Variants in VAT1L observed in about 807,000 individuals in gnomAD.
The protein encoded by VAT1L is vesicle amine transport 1 like.
VAT1L carries 34 observed loss-of-function variants against 44.1 expected under a neutral mutation model. The ratio of observed to expected loss-of-function variants is 0.77; its 90% CI spans 0.59 to 1.03. The LOEUF (loss-of-function observed/expected upper bound fraction) is 1.03. VAT1L is among the 50% of genes least tolerant of loss of function. The pLI is 0.00. For synonymous variants in VAT1L, 253 were observed against 202.2 expected, an observed-to-expected ratio of 1.25 and a Z score of -2.13; for missense variants, 615 against 538.8, an observed-to-expected ratio of 1.14 and a Z score of -1.40.
chr16:77,927,337 CA>C (rs113375025), intron 7 of VAT1L, among the ~76,000 whole-genome samples: 98 of 119,646 alleles, frequency 8.2e-4, no homozygotes, highest in Middle Eastern at 4.5e-3. Context: ...GACTCCATCT[CA>C]AAAAAAAAAA....
chr16:77,853,623 T>A (rs2016827969), intron 3 of VAT1L, among the ~76,000 whole-genome samples: 1 of 152,050 alleles, frequency 6.6e-6, no homozygotes, highest in South Asian at 2.1e-4. Flanking sequence ...AGAGGGCCTG[T>A]TCAAACTCAG....
chr16:77,850,507 G>A (rs2016798396), intron 3 of VAT1L, among the ~76,000 whole-genome samples: 2 of 152,024 alleles, frequency 1.3e-5, no homozygotes, highest in South Asian at 4.2e-4. Flanking sequence ...GACCCTATTT[G>A]CCTAAGACAC....
chr16:77,923,258 G>T (rs1172715028), intron 7 of VAT1L, among the ~76,000 whole-genome samples: 1 of 152,194 alleles, frequency 6.6e-6, no homozygotes, highest in Non-Finnish European at 1.5e-5. Context: ...AGACCATCCT[G>T]GTTAACATGG....
At chr16:77,936,819 A>T (rs1206512280) in intron 7 of VAT1L, among the ~76,000 whole-genome samples, 1 of 152,148 alleles carries the variant, frequency 6.6e-6, no homozygotes, top group African/African-American at 2.4e-5. Context: ...GCAAAATCCC[A>T]CTTGCGAGTG....
intron 7 of VAT1L, among the ~76,000 whole-genome samples, chr16:77,967,151 C>A (rs2018231949): frequency 6.6e-6 from 1 of 152,056 alleles, no homozygotes; most frequent in Non-Finnish European, 1.5e-5. Flanking sequence ...TATATGAGAG[C>A]AGTTTGGGGT....
rs368230977 is a variant in VAT1L, at chr16:77,798,611, A to G, written c.233+9696A>G. Among the ~76,000 whole-genome samples the G allele has an allele frequency of 8.2e-4, 125 of 152,298 alleles. 1 individual carries two copies. Among genetic ancestry groups the G allele is most frequent in the African/African-American group, 2.5e-3 (105 of 41,568 alleles). ...AGGAGGTACAAAGAAATAGGACATTAAAAAGTCCCTCTGTGCTTCATAAAG... is the reference window on the plus strand; with the variant it reads ...AGGAGGTACAAAGAAATAGGACATTGAAAAGTCCCTCTGTGCTTCATAAAG... On this transcript the variant is annotated intron_variant, in intron 1 of 8. Coordinates refer to ENST00000302536, the MANE Select transcript of VAT1L (RefSeq NM_020927.3).
At chr16:77,924,227 T>C (rs1439477763) in intron 7 of VAT1L, among the ~76,000 whole-genome samples, 1 of 152,116 alleles carries the variant, frequency 6.6e-6, no homozygotes, top group Non-Finnish European at 1.5e-5. Context: ...TGCTATTTTC[T>C]AGGGCTTATG....
intron 1 of VAT1L, chr16:77,801,400 C>G (rs548718114): frequency 6.6e-6 from 1 of 152,094 alleles, no homozygotes; most frequent in African/African-American, 2.4e-5. Context: ...AAGAACGTTC[C>G]GCAATAAGAA....
At chr16:77,952,675 G>A (rs2018057411) in intron 7 of VAT1L, among the ~76,000 whole-genome samples, 1 of 151,890 alleles carries the variant, frequency 6.6e-6, no homozygotes, top group Admixed American at 6.6e-5. Context: ...TGGTCACCAT[G>A]GCAAAACCCT....
chr16:77,889,895 C>T (rs1298232482), intron 7 of VAT1L, among the ~76,000 whole-genome samples: 8 of 151,804 alleles, frequency 5.3e-5, no homozygotes, highest in African/African-American at 1.5e-4. Context: ...GAGACCAGCC[C>T]GGCCAACAGG....
intron 7 of VAT1L, among the ~76,000 whole-genome samples, chr16:77,910,908 G>T (rs949704894): frequency 2.6e-5 from 4 of 152,130 alleles, no homozygotes; most frequent in African/African-American, 4.8e-5. Flanking sequence ...AACCCCATAA[G>T]ATGCAATTGC....
At chr16:77,926,244 C>T (rs12930780) in intron 7 of VAT1L, among the ~76,000 whole-genome samples, 12,277 of 133,944 alleles carry the variant, frequency 0.092, 605 homozygotes, top group South Asian at 0.11. Flanking sequence ...CAGAGTGAGA[C>T]TCCGTCTCAA....
intron 1 of VAT1L, chr16:77,801,204 ACC>A (rs5818088): frequency 0.74 from 111,841 of 151,266 alleles, 41,625 homozygotes; most frequent in Admixed American, 0.78. Context: ...TCCCTGTGAT[ACC>A]AAGCATCCTA....
intron 7 of VAT1L, among the ~76,000 whole-genome samples, chr16:77,958,135 T>C (rs1381445118): frequency 6.6e-6 from 1 of 152,130 alleles, no homozygotes; most frequent in Non-Finnish European, 1.5e-5. Context: ...CTCAAACTCC[T>C]GGGCAGAAGT....
intron 3 of VAT1L, 44 bp from the exon 4 acceptor site, chr16:77,862,704 T>A (rs370752636): frequency 1.5e-5 from 24 of 1,592,380 alleles, no homozygotes; most frequent in Non-Finnish European, 2.0e-5. Flanking sequence ...GGCTATGATC[T>A]GGTGGCTCCT....
At chr16:77,964,637 T>A (rs927891550) in intron 7 of VAT1L, among the ~76,000 whole-genome samples, 1 of 152,174 alleles carries the variant, frequency 6.6e-6, no homozygotes, top group African/African-American at 2.4e-5. Flanking sequence ...CCTCAGGTTC[T>A]GGAGATTAGG....
rs141141407 is a variant in VAT1L, at chr16:77,884,753, A to G, written c.1028A>G (p.Asn343Ser). Reference sequence around the variant, plus strand: ...GTGGAAAAACTCATAGGGCTCTACAACCAGAAGAAGATCAAGCCTGTGGTG... The same window carrying G: ...GTGGAAAAACTCATAGGGCTCTACAGCCAGAAGAAGATCAAGCCTGTGGTG... ...GVVEKLIGLY[N>S]QKKIKPVVDS... Residue 343 changes from asparagine (N) to serine (S), a missense_variant, in exon 7 of 9, where the codon AAC becomes AGC. Transcript: ENST00000302536. This position sits in a 1 kb window ranked among gnomAD's most constrained non-coding sequence, Gnocchi z 4.5. 1.3e-6 allele frequency: 2 copies of G among 1,587,968 alleles called. No individual in the cohort carries two copies. The highest frequency in any genetic ancestry group is 2.7e-5 in the African/African-American group (2 of 73,490).
chr16:77,961,486 A>C (rs542765096), intron 7 of VAT1L, among the ~76,000 whole-genome samples: 1 of 152,280 alleles, frequency 6.6e-6, no homozygotes, highest in East Asian at 1.9e-4. Flanking sequence ...GTGGGAGAAG[A>C]AACCATTGTT....
At position 77,882,578 on chromosome 16, in the gene VAT1L, G is replaced by T. The variant is rs773494232; in HGVS notation, c.883-2030G>T. Among the ~76,000 whole-genome samples the T allele has an allele frequency of 7.2e-5, 11 of 152,302 alleles. No individual in the cohort carries two copies. The East Asian group carries it at 2.1e-3, about 29-fold the overall frequency. ...GAACAGTGAGGAAATTGAGCACAGAGAAGTTAAGAGATTTGCCTAAAGTCA... is the reference window on the plus strand; with the variant it reads ...GAACAGTGAGGAAATTGAGCACAGATAAGTTAAGAGATTTGCCTAAAGTCA... On this transcript the variant is annotated intron_variant, in intron 6 of 8. Transcript: ENST00000302536.
Sources: gnomAD v4.1 joint callset for allele counts (sites outside exome capture counted in the v4.1 genomes callset) on GRCh38, gnomAD v4.1.1 for gene constraint, Gnocchi (gnomAD v3.1) non-coding constraint, MANE v1.5 for transcripts, NCBI Gene and HGNC (gene_info 2026-07-23, HGNC 2026-07-21) for gene names.